The following SKOR1 variants were observed in gnomAD, a reference collection of about 807,000 sequenced individuals.
SKOR1 encodes SKI family transcriptional corepressor 1.
In SKOR1, 38 loss-of-function variants were observed where a neutral mutation model predicts 72.4. That is an observed-to-expected ratio of 0.52 (90% CI 0.40 to 0.69). The LOEUF is 0.69. Among genes scored for constraint, SKOR1 ranks in the 30% least tolerant of loss-of-function variants. The probability of loss-of-function intolerance (pLI) is 0.00; values close to 1 mark genes in which losing one functional copy is unlikely to be tolerated. For synonymous variants in SKOR1, 642 were observed against 599.4 expected (o/e 1.07, Z -1.04); for missense variants, 1,320 against 1,343.2 (o/e 0.98, Z 0.27).
At position 67,827,472 on chromosome 15, in the gene SKOR1, C is replaced by T; in HGVS notation, c.1644C>T (p.Gly548=). 2 of 1,521,012 alleles carry T rather than the reference C, an allele frequency of 1.3e-6. No homozygotes were observed. Among genetic ancestry groups the T allele is most frequent in the Non-Finnish European group, 1.8e-6 (2 of 1,141,574 alleles). 94.2% of individuals were successfully genotyped at this position (1,521,012 alleles called of 1,614,324 possible). ...AGCCAGCCAAAGAGAGTGGCCTCGG[C>T]GCGGAGGAGCGCTGCCCGAGCGCTC... The part of the protein sequence containing the change: ...GAEPAKESGL[G]AEERCPSALS... The change falls in exon 2 of 9, where the codon GGC becomes GGT. Residue 548 remains glycine, a synonymous_variant. Coordinates refer to ENST00000380035, the MANE Select transcript of SKOR1 (RefSeq NM_001365915.1).
Position 67,826,922 on chromosome 15 carries a change from G to A in SKOR1, c.1094G>A (p.Gly365Asp), listed in dbSNP as rs528882588. The stretch of plus-strand genomic sequence containing the variant: ...CCGGCGGGCCCAGGAGGGCCCGGTG[G>A]CGGCGCCGGCGTACGAAGCTACCCG... ...SGPAGPGGPGGGAGVRSYPVI... is the reference protein window; with the variant it reads ...SGPAGPGGPGDGAGVRSYPVI... Residue 365 changes from glycine (G) to aspartate (D), a missense_variant, in exon 2 of 9, where the codon GGC (glycine) becomes GAC (aspartate). Coordinates refer to ENST00000380035, the MANE Select transcript of SKOR1 (RefSeq NM_001365915.1). 3 of 1,564,012 alleles carry A rather than the reference G, an allele frequency of 1.9e-6. No homozygotes were observed. The highest frequency in any genetic ancestry group is 2.6e-6 in the Non-Finnish European group (3 of 1,162,566).
Position 67,832,454 on chromosome 15 carries a change from C to T in SKOR1, c.2662+106C>T. ...TGCCAGGCAACTGGTACTAGGTGCC[C>T]TGCAGGAGACAAGAAACTGTCCTTT... On this transcript the variant is annotated intron_variant, in intron 6 of 8. Coordinates refer to ENST00000380035, the MANE Select transcript of SKOR1 (RefSeq NM_001365915.1). The surrounding 1 kb of genome is among the most constrained non-coding windows in gnomAD (Gnocchi z 4.5). 7.3e-7 allele frequency: 1 copy of T among 1,364,288 alleles called. No homozygotes were observed. The highest frequency in any genetic ancestry group is 1.0e-6 in the Non-Finnish European group (1 of 963,816). The allele number at this position is 1,364,288 out of a possible 1,614,324, so 84.5% of individuals were successfully genotyped here. A position where few individuals can be genotyped will look rare whatever the true frequency, so the allele number is the denominator to read the frequency against.
intron 3 of SKOR1, among the ~76,000 whole-genome samples, chr15:67,829,503 A>G (rs966336935): frequency 1.3e-5 from 2 of 152,252 alleles, no homozygotes; most frequent in Admixed American, 6.5e-5. Context: ...CACATGCTGC[A>G]GTACACCCAG....
chr15:67,832,916 G>T lies in SKOR1; in HGVS notation c.2737+235G>T. The stretch of plus-strand genomic sequence containing the variant: ...AACTTCTTATCGCGGCAATTTCCAT[G>T]GTTTCTAAATTAAAAATCGAGGCGT... On this transcript the variant is annotated intron_variant, in intron 7 of 8. Transcript: ENST00000380035. This position sits in a 1 kb window ranked among gnomAD's most constrained non-coding sequence, Gnocchi z 4.5. The T allele has an allele frequency of 1.7e-6, 1 of 599,306 alleles. No individual in the cohort carries two copies. The allele number at this position is 599,306 out of a possible 1,614,324, so 37.1% of individuals were successfully genotyped here.
At position 67,834,202 on chromosome 15, in the gene SKOR1, G is replaced by A. The variant is rs1482911587; in HGVS notation, c.*366G>A. 3.0e-6 allele frequency: 1 copy of A among 328,734 alleles called. No homozygotes were observed. Among genetic ancestry groups the A allele is most frequent in the Non-Finnish European group, 5.9e-6 (1 of 169,294 alleles). The allele number at this position is 328,734 out of a possible 1,614,324, so 20.4% of individuals were successfully genotyped here. ...ATTGTGAATACAATGTAGCAACTTC[G>A]CTGGCGCCTGCCCCGCACTCCCCGT... On this transcript the variant is annotated 3_prime_UTR_variant, in exon 9 of 9. Transcript: ENST00000380035. The surrounding 1 kb of genome is among the most constrained non-coding windows in gnomAD (Gnocchi z 5.8).
chr15:67,828,061 C>T lies in SKOR1; in HGVS notation c.2233C>T (p.Pro745Ser), dbSNP rs2090979399. 6 of 1,532,904 alleles carry T rather than the reference C, an allele frequency of 3.9e-6. No individual in the cohort carries two copies. Among genetic ancestry groups the T allele is most frequent in the African/African-American group, 2.8e-5 (2 of 71,100 alleles). 95.0% of individuals were successfully genotyped at this position (1,532,904 alleles called of 1,614,324 possible). ...GGCAGCCGAAGACTTGGTGCGGAGACCTGAGAGGAGCCCGCCAAGCGGCGG... is the reference window on the plus strand; with the variant it reads ...GGCAGCCGAAGACTTGGTGCGGAGATCTGAGAGGAGCCCGCCAAGCGGCGG... Reference protein sequence around the residue: ...DLAAEDLVRRPERSPPSGGGG... With the variant: ...DLAAEDLVRRSERSPPSGGGG... Residue 745 changes from proline (P) to serine (S), a missense_variant, in exon 2 of 9, where the codon CCT becomes TCT. Physicochemically the swap from Pro to Ser is moderately conservative, Grantham distance 74. Coordinates refer to ENST00000380035, the MANE Select transcript of SKOR1 (RefSeq NM_001365915.1).
rs773506671 is a variant in SKOR1, at chr15:67,826,655, G to C, written c.827G>C (p.Arg276Pro). The C allele has an allele frequency of 6.2e-7, 1 of 1,605,666 alleles. No individual in the cohort carries two copies. Among genetic ancestry groups the C allele is most frequent in the African/African-American group, 1.3e-5 (1 of 74,762 alleles). ...DVKAMFNGGT[R>P]KRTFSLQGGG... ...AAGGCCATGTTTAATGGCGGCACGC[G>C]CAAGCGGACCTTCTCCCTACAAGGA... Residue 276 changes from arginine (R) to proline (P), a missense_variant, in exon 2 of 9, where the codon CGC becomes CCC. Coordinates refer to ENST00000380035, the MANE Select transcript of SKOR1 (RefSeq NM_001365915.1).
chr15:67,827,445 C>G lies in SKOR1; in HGVS notation c.1617C>G (p.Ala539=). 2.0e-6 allele frequency: 3 copies of G among 1,523,232 alleles called. No homozygotes were observed. The highest frequency in any genetic ancestry group is 8.8e-7 in the Non-Finnish European group (1 of 1,142,164). The allele number at this position is 1,523,232 out of a possible 1,614,324, so 94.4% of individuals were successfully genotyped here. Residue 539 remains alanine, a synonymous_variant, in exon 2 of 9, where the codon GCC becomes GCG. Transcript: ENST00000380035. The stretch of plus-strand genomic sequence containing the variant: ...GTGCCCCAGAGCCCCTGGACGGTGC[C>G]GAGCCAGCCAAAGAGAGTGGCCTCG... ...GSGAPEPLDG[A]EPAKESGLGA...
At chr15:67,830,730 G>C in intron 4 of SKOR1, 88 bp from the exon 5 acceptor site, 1 of 1,280,904 alleles carries the variant, frequency 7.8e-7, no homozygotes, top group Non-Finnish European at 1.1e-6. Context: ...GTAGGTCCCT[G>C]ATTCGATGTG....
At position 67,826,462 on chromosome 15, in the gene SKOR1, T is replaced by C; in HGVS notation, c.634T>C (p.Tyr212His). The part of the protein sequence containing the change: ...SSRAKCIKCG[Y>H]CSMYFSPNKF... Reference sequence around the variant, plus strand: ...TCGTGCCAAGTGCATCAAGTGCGGCTACTGCAGCATGTACTTCTCGCCCAA... The same window carrying C: ...TCGTGCCAAGTGCATCAAGTGCGGCCACTGCAGCATGTACTTCTCGCCCAA... The change falls in exon 2 of 9, where the codon TAC (tyrosine) becomes CAC (histidine). Residue 212 changes from tyrosine to histidine, a missense_variant. Around this residue, in one of 3 missense-constraint regions of SKOR1, gnomAD observed 101 missense variants for 212.8 expected, o/e 0.47. Coordinates refer to ENST00000380035, the MANE Select transcript of SKOR1 (RefSeq NM_001365915.1). 1.2e-6 allele frequency: 2 copies of C among 1,614,104 alleles called. No individual in the cohort carries two copies. The highest frequency in any genetic ancestry group is 1.7e-6 in the Non-Finnish European group (2 of 1,180,004).
In SKOR1 at chr15:67,830,090, C is replaced by A. The variant is rs940526035; in HGVS notation, c.2408-101C>A. The A allele has an allele frequency of 5.8e-6, 7 of 1,213,506 alleles. No homozygotes were observed. The Admixed American group carries it at 9.3e-5, about 16-fold the overall frequency. The allele number at this position is 1,213,506 out of a possible 1,614,324, so 75.2% of individuals were successfully genotyped here. On this transcript the variant is annotated intron_variant, in intron 3 of 8. Coordinates refer to ENST00000380035, the MANE Select transcript of SKOR1 (RefSeq NM_001365915.1). ...AGCCGGGAACCAGAGGCGGCCACGA[C>A]GCTTTTAATTAGGGCTGGGGCGCCC... is the stretch of plus-strand genomic sequence containing the variant.
chr15:67,826,225 G>A lies in SKOR1; in HGVS notation c.397G>A (p.Val133Ile). Residue 133 changes from valine to isoleucine, a missense_variant, in exon 2 of 9, where the codon GTA becomes ATA. Around this residue, in one of 3 missense-constraint regions of SKOR1, gnomAD observed 101 missense variants for 212.8 expected, o/e 0.47. Transcript: ENST00000380035. Reference protein sequence around the residue: ...LGITCVQCTPVQLEILRRAGA... With the variant: ...LGITCVQCTPIQLEILRRAGA... ...CATCACGTGCGTGCAGTGCACGCCG[G>A]TACAGCTGGAGATTCTGCGTCGGGC... The A allele has an allele frequency of 6.2e-7, 1 of 1,613,220 alleles. No homozygotes were observed.
chr15:67,828,072 C>T lies in SKOR1; in HGVS notation c.2244C>T (p.Ser748=). Residue 748 remains serine, a synonymous_variant, in exon 2 of 9, where the codon AGC becomes AGT. Transcript: ENST00000380035. ...AEDLVRRPER[S]PPSGGGGYEL... ...ACTTGGTGCGGAGACCTGAGAGGAGCCCGCCAAGCGGCGGCGGCGGCTACG... is the reference window on the plus strand; with the variant it reads ...ACTTGGTGCGGAGACCTGAGAGGAGTCCGCCAAGCGGCGGCGGCGGCTACG... 6.5e-7 allele frequency: 1 copy of T among 1,528,822 alleles called. No homozygotes were observed. Among genetic ancestry groups the T allele is most frequent in the Non-Finnish European group, 8.8e-7 (1 of 1,142,016 alleles). 94.7% of individuals were successfully genotyped at this position (1,528,822 alleles called of 1,614,324 possible).
At chr15:67,829,883 C>T (rs1370533913) in intron 3 of SKOR1, among the ~76,000 whole-genome samples, 2 of 152,218 alleles carry the variant, frequency 1.3e-5, no homozygotes, top group Admixed American at 6.5e-5. Flanking sequence ...GGCGGCCACG[C>T]GCGCTCGCGG....
At chr15:67,830,365 TC>T in intron 4 of SKOR1, 67 bp downstream of exon 4, 1 of 1,370,238 alleles carries the variant, frequency 7.3e-7, no homozygotes, top group Non-Finnish European at 1.0e-6. Flanking sequence ...TCGCCCAGGT[TC>T]CCAGAGGCTT....
intron 5 of SKOR1, among the ~76,000 whole-genome samples, chr15:67,831,447 G>A (rs1190624171): frequency 1.3e-5 from 2 of 152,160 alleles, no homozygotes; most frequent in Non-Finnish European, 2.9e-5. Flanking sequence ...CTATGGCTTG[G>A]GGTGCAGAGT....
intron 5 of SKOR1, 56 bp downstream of exon 5, chr15:67,830,945 C>A: frequency 6.5e-7 from 1 of 1,541,024 alleles, no homozygotes; most frequent in South Asian, 1.1e-5. Context: ...ATGGGTCATT[C>A]CTGTAGAGGG....
rs2091031249 is a variant in SKOR1, at chr15:67,834,230, C to G, written c.*394C>G. 1 of 295,046 alleles carries G rather than the reference C, an allele frequency of 3.4e-6. No individual in the cohort carries two copies. The highest frequency in any genetic ancestry group is 7.4e-5 in the East Asian group (1 of 13,532). The allele number at this position is 295,046 out of a possible 1,614,324, so 18.3% of individuals were successfully genotyped here. On this transcript the variant is annotated 3_prime_UTR_variant, in exon 9 of 9. Transcript: ENST00000380035. The surrounding 1 kb of genome is among the most constrained non-coding windows in gnomAD (Gnocchi z 5.8). ...GGCGCCTGCCCCGCACTCCCCGTCC[C>G]GTCCACTTCTGAAACTCCTGTTCCT...
intron 2 of SKOR1, among the ~76,000 whole-genome samples, chr15:67,828,660 A>G (rs974088635): frequency 2.0e-5 from 3 of 152,006 alleles, no homozygotes; most frequent in African/African-American, 7.2e-5. Flanking sequence ...CGCCTTGGGA[A>G]CCACAGGGTT....
Sources: allele counts gnomAD v4.1 joint callset (sites outside exome capture counted in the v4.1 genomes callset), GRCh38; gene constraint gnomAD v4.1.1; regional missense constraint gnomAD v4.1.1; non-coding constraint Gnocchi (gnomAD v3.1); transcripts MANE v1.5; gene names NCBI Gene and HGNC (gene_info 2026-07-23, HGNC 2026-07-21).